Variants in TRAM1 observed in about 807,000 individuals in gnomAD.
TRAM1 encodes translocation associated membrane protein 1.
Under a neutral mutation model 48.7 loss-of-function variants are expected in TRAM1, and 17 were observed. That is an observed-to-expected ratio of 0.35 (90% CI 0.24 to 0.52). TRAM1 has a LOEUF of 0.52. Among genes scored for constraint, TRAM1 ranks in the 20% least tolerant of loss-of-function variants. The pLI is 0.94. For synonymous variants in TRAM1, 182 were observed against 154.0 expected (o/e 1.18, Z -1.34); for missense variants, 351 against 441.5 (o/e 0.79, Z 1.84).
At chr8:70,604,362 T>C (rs973598058) in intron 1 of TRAM1, among the ~76,000 whole-genome samples, 2 of 152,210 alleles carry the variant, frequency 1.3e-5, no homozygotes, top group African/African-American at 2.4e-5. Flanking sequence ...GACTGGATCC[T>C]TGAAAAGTAA....
chr8:70,586,803 T>G (rs1241444266), intron 8 of TRAM1, 92 bp downstream of exon 8: 2 of 1,057,730 alleles, frequency 1.9e-6, no homozygotes, highest in Non-Finnish European at 1.4e-6. Flanking sequence ...CTTAAAAAGT[T>G]AATATAATGG....
chr8:70,597,001 T>A lies in TRAM1; in HGVS notation c.427-680A>T, dbSNP rs900885318. Among the ~76,000 whole-genome samples, 9 of 152,238 alleles carry A rather than the reference T, an allele frequency of 5.9e-5. No individual in the cohort carries two copies. In the South Asian group the frequency reaches 1.9e-3, roughly 32 times the overall value. On this transcript the variant is annotated intron_variant, in intron 4 of 10. Coordinates refer to ENST00000262213, the MANE Select transcript of TRAM1 (RefSeq NM_014294.6). The stretch of plus-strand genomic sequence containing the variant: ...CAGCACAGTAAAATGGAATGAGCAA[T>A]GGAATAAAAAGCTGAGTTTTAGTCT...
intron 4 of TRAM1, among the ~76,000 whole-genome samples, chr8:70,597,419 C>A (rs1817511867): frequency 6.6e-6 from 1 of 152,026 alleles, no homozygotes; most frequent in African/African-American, 2.4e-5. Flanking sequence ...AGCCTGTAAT[C>A]CCAGCACTTT....
intron 1 of TRAM1, chr8:70,607,065 G>T: frequency 1.1e-6 from 1 of 921,562 alleles, no homozygotes; most frequent in Non-Finnish European, 1.3e-6. Context: ...CAAGGCAGGA[G>T]CAAAATAATT....
chr8:70,589,243 A>C (rs1341472621), intron 6 of TRAM1, among the ~76,000 whole-genome samples: 2 of 152,256 alleles, frequency 1.3e-5, no homozygotes, highest in African/African-American at 4.8e-5. Context: ...AGAGAGAAGT[A>C]TCTCTGAAAA....
intron 5 of TRAM1, 21 bp downstream of exon 5, chr8:70,596,242 G>C (rs750787878): frequency 6.4e-7 from 1 of 1,557,244 alleles, no homozygotes; most frequent in South Asian, 1.2e-5. Context: ...AACAAAGAAA[G>C]GGCTGCTAAA....
intron 6 of TRAM1, among the ~76,000 whole-genome samples, chr8:70,591,774 T>C (rs924080593): frequency 1.3e-5 from 2 of 152,152 alleles, no homozygotes; most frequent in African/African-American, 2.4e-5. Context: ...GAGCTCTGTA[T>C]TAATTATCTT....
intron 5 of TRAM1, among the ~76,000 whole-genome samples, chr8:70,595,197 T>C (rs1285945485): frequency 6.6e-6 from 1 of 151,828 alleles, no homozygotes; most frequent in African/African-American, 2.4e-5. Flanking sequence ...GAACCAATAC[T>C]CTCCTCTTGA....
intron 8 of TRAM1, among the ~76,000 whole-genome samples, chr8:70,586,693 T>C (rs766372744): frequency 6.6e-6 from 1 of 152,154 alleles, no homozygotes; most frequent in Non-Finnish European, 1.5e-5. Context: ...CAAGATACAA[T>C]ACAGTATCTC....
Position 70,608,312 on chromosome 8 carries a change from C to A in TRAM1, c.-113G>T, listed in dbSNP as rs1817800153. On this transcript the variant is annotated 5_prime_UTR_variant, in exon 1 of 11. Transcript: ENST00000262213. The stretch of plus-strand genomic sequence containing the variant: ...CTGCTCCTCACGGCCCCGCTGCAGC[C>A]GCTCGCTGGGGCTTCACTTCCCATC... 11 of 1,381,928 alleles carry A rather than the reference C, an allele frequency of 8.0e-6. No individual in the cohort carries two copies. The highest frequency in any genetic ancestry group is 2.8e-5 in the East Asian group (1 of 35,976). 85.6% of individuals were successfully genotyped at this position (1,381,928 alleles called of 1,614,324 possible). A position where few individuals can be genotyped will look rare whatever the true frequency, so the allele number is the denominator to read the frequency against.
chr8:70,586,744 A>T, intron 8 of TRAM1, 151 bp downstream of exon 8: 1 of 635,426 alleles, frequency 1.6e-6, no homozygotes, highest in Non-Finnish European at 2.7e-6. Context: ...TAAAATACAA[A>T]GTCTGAATTG....
chr8:70,587,174 T>C lies in TRAM1; in HGVS notation c.573A>G (p.Glu191=). 1 of 1,613,082 alleles carries C rather than the reference T, an allele frequency of 6.2e-7. No homozygotes were observed. Among genetic ancestry groups the C allele is most frequent in the Non-Finnish European group, 8.5e-7 (1 of 1,179,254 alleles). The change falls in exon 7 of 11, where the codon GAA becomes GAG. Residue 191 remains glutamate (E), a splice_region_variant and synonymous_variant. Coordinates refer to ENST00000262213, the MANE Select transcript of TRAM1 (RefSeq NM_014294.6). ...PELYFQKTKK[E]DIPRQLVYIG... The stretch of plus-strand genomic sequence containing the variant: ...TGTAGACAAGCTGACGAGGAATATC[T>C]TCCTGTAAAAAAATACATTATAGAT...
intron 8 of TRAM1, among the ~76,000 whole-genome samples, chr8:70,584,521 T>C (rs1385014131): frequency 6.6e-6 from 1 of 152,194 alleles, no homozygotes; most frequent in Non-Finnish European, 1.5e-5. Context: ...CATGATTGTA[T>C]AACTAGAAAA....
intron 8 of TRAM1, 95 bp from the exon 9 acceptor site, chr8:70,583,888 C>T (rs1586753491): frequency 7.2e-7 from 1 of 1,390,854 alleles, no homozygotes; most frequent in Non-Finnish European, 9.5e-7. Flanking sequence ...TGGCAGACGC[C>T]TGTAATCCCA....
In TRAM1 at chr8:70,601,155, T is replaced by C. The variant is rs10102790; in HGVS notation, c.124-1073A>G. Among the ~76,000 whole-genome samples, 602 of 152,256 alleles carry C rather than the reference T, an allele frequency of 4.0e-3. 4 individuals are homozygous for C. Among genetic ancestry groups the C allele is most frequent in the African/African-American group, 0.014 (575 of 41,558 alleles). On this transcript the variant is annotated intron_variant, in intron 1 of 10. Transcript: ENST00000262213. ...CAGGCCCCTTCAGATCCATTCTCCA[T>C]ATTGCAACTAGAATGATTTTCTCAT...
intron 6 of TRAM1, among the ~76,000 whole-genome samples, chr8:70,592,504 T>G (rs961059630): frequency 6.6e-6 from 1 of 152,254 alleles, no homozygotes; most frequent in Admixed American, 6.5e-5. Context: ...TAGTTTCAGT[T>G]AAGTTCTGAG....
intron 10 of TRAM1, among the ~76,000 whole-genome samples, chr8:70,580,453 C>T (rs80000260): frequency 6.6e-6 from 1 of 152,084 alleles, no homozygotes; most frequent in Non-Finnish European, 1.5e-5. Context: ...CAAAACCCCA[C>T]AAGGTTATCT....
chr8:70,587,874 G>A (rs147394199), intron 6 of TRAM1, among the ~76,000 whole-genome samples: 41 of 152,070 alleles, frequency 2.7e-4, no homozygotes, highest in African/African-American at 9.2e-4. Flanking sequence ...CAGTTATCTA[G>A]TTGAGCTGGT....
In TRAM1 at chr8:70,608,272, G is replaced by C; in HGVS notation, c.-73C>G. 1.2e-5 allele frequency: 17 copies of C among 1,474,238 alleles called. No homozygotes were observed. Among genetic ancestry groups the C allele is most frequent in the Non-Finnish European group, 1.5e-5 (17 of 1,114,818 alleles). 91.3% of individuals were successfully genotyped at this position (1,474,238 alleles called of 1,614,324 possible). ...CTTCCCAGCTGCTCACCGACTCGCC[G>C]CCGCCTCCCGCTGGCTGCTCCTCAC... On this transcript the variant is annotated 5_prime_UTR_variant, in exon 1 of 11. Transcript: ENST00000262213.
Sources: allele counts gnomAD v4.1 joint callset (sites outside exome capture counted in the v4.1 genomes callset), GRCh38; gene constraint gnomAD v4.1.1; transcripts MANE v1.5; gene names NCBI Gene and HGNC (gene_info 2026-07-23, HGNC 2026-07-21).